Variants in SSH1 observed in about 807,000 individuals in gnomAD.
SSH1 encodes slingshot protein phosphatase 1, also known as protein phosphatase Slingshot homolog 1.
A neutral mutation model predicts 79.7 loss-of-function variants in SSH1; 43 were observed. The ratio of observed to expected loss-of-function variants is 0.54; its 90% CI spans 0.42 to 0.70. SSH1 has a LOEUF of 0.70. Among genes scored for constraint, SSH1 ranks in the 30% least tolerant of loss-of-function variants. The pLI is 0.00. For missense variants in SSH1, 1,206 were observed against 1,358.8 expected (o/e 0.89, Z 1.77); for synonymous variants, 599 against 538.3 (o/e 1.11, Z -1.56).
At chr12:108,841,423 T>C (rs926213177) in intron 2 of SSH1, among the ~76,000 whole-genome samples, 2 of 152,220 alleles carry the variant, frequency 1.3e-5, no homozygotes, top group Admixed American at 6.5e-5. Flanking sequence ...ACGTTAACCT[T>C]AATGAAAAGT....
intron 5 of SSH1, among the ~76,000 whole-genome samples, chr12:108,814,254 C>T (rs956757354): frequency 6.6e-5 from 10 of 151,930 alleles, no homozygotes; most frequent in African/African-American, 1.9e-4. Flanking sequence ...TGAGAGTGCG[C>T]AAGCCTGCTG....
At position 108,788,185 on chromosome 12, in the gene SSH1, G is replaced by A. The variant is rs989690864; in HGVS notation, c.2953C>T (p.Leu985Phe). The A allele has an allele frequency of 6.2e-6, 10 of 1,613,970 alleles. No homozygotes were observed. The highest frequency in any genetic ancestry group is 7.6e-6 in the Non-Finnish European group (9 of 1,180,044). The change falls in exon 15 of 15, where the codon CTC (leucine) becomes TTC (phenylalanine). Residue 985 changes from leucine (L) to phenylalanine (F), a missense_variant. Leu to Phe is a conservative substitution (Grantham distance 22). Around this residue, in one of 5 missense-constraint regions of SSH1, gnomAD observed 709 missense variants for 730.6 expected, o/e 0.97. Transcript: ENST00000326495. ...GACAGGTCTTCCGTTGAGAAGGTGA[G>A]ACTCCCCAGCTTGGCAAGAGAGTGT... ...RSHSLAKLGS[L>F]TFSTEDLSSE...
chr12:108,800,632 A>T (rs3213776), intron 12 of SSH1, 148 bp downstream of exon 12: 1 of 903,256 alleles, frequency 1.1e-6, no homozygotes, highest in Non-Finnish European at 1.7e-6. Flanking sequence ...CATCAAGTCC[A>T]CTCCCACCAG....
chr12:108,798,502 T>C (rs998305412), intron 13 of SSH1, among the ~76,000 whole-genome samples: 7 of 152,186 alleles, frequency 4.6e-5, no homozygotes, highest in Admixed American at 6.5e-5. Context: ...CAGGCCCAGC[T>C]AAGGTGGGCA....
chr12:108,789,250 AG>A lies in SSH1; in HGVS notation c.1894-7del. 6.3e-7 allele frequency: 1 copy of A among 1,588,432 alleles called. No individual in the cohort carries two copies. The highest frequency in any genetic ancestry group is 1.1e-5 in the South Asian group (1 of 87,626). The stretch of plus-strand genomic sequence containing the variant: ...ATCCCAAATATAGCATCATCCTGCA[AG>A]GAAGGGGACAAGAGCATGGTGAGAC... On this transcript the variant is annotated splice_polypyrimidine_tract_variant and splice_region_variant and intron_variant, in intron 14 of 14. Coordinates refer to ENST00000326495, the MANE Select transcript of SSH1 (RefSeq NM_018984.4).
intron 3 of SSH1, among the ~76,000 whole-genome samples, chr12:108,820,806 G>C (rs1321733304): frequency 6.6e-6 from 1 of 152,194 alleles, no homozygotes; most frequent in African/African-American, 2.4e-5. Context: ...AGGAACTAAC[G>C]TAAGTCTAGT....
rs1223173360 is a variant in SSH1, at chr12:108,813,945, C to T, written c.402-2617G>A. Among the ~76,000 whole-genome samples the T allele has an allele frequency of 6.6e-5, 10 of 152,158 alleles. No individual in the cohort carries two copies. In the South Asian group the frequency reaches 1.7e-3, roughly 25 times the overall value. ...GCAGATATAAGACTCTGAGTGAGGC[C>T]GGGTACAGTGGCTCACGCCTGTAAT... is the stretch of plus-strand genomic sequence containing the variant. On this transcript the variant is annotated intron_variant, in intron 5 of 14. Coordinates refer to ENST00000326495, the MANE Select transcript of SSH1 (RefSeq NM_018984.4).
chr12:108,847,980 C>T (rs778135465), intron 2 of SSH1, among the ~76,000 whole-genome samples: 3 of 152,124 alleles, frequency 2.0e-5, no homozygotes, highest in Non-Finnish European at 4.4e-5. Context: ...AGGACTACAG[C>T]CAGGTGAAAA....
chr12:108,845,445 T>C (rs1291690917), intron 2 of SSH1, among the ~76,000 whole-genome samples: 2 of 152,098 alleles, frequency 1.3e-5, no homozygotes, highest in Non-Finnish European at 2.9e-5. Flanking sequence ...CCCAGCACTT[T>C]GGGAGGCCAA....
rs768993671 is a variant in SSH1 at position 108,799,109 on chromosome 12, A to G, written c.1240T>C (p.Trp414Arg). The change falls in exon 13 of 15, where the codon TGG (tryptophan) becomes CGG (arginine). Residue 414 changes from tryptophan to arginine, a missense_variant. Transcript: ENST00000326495. ...TAGTTATATGCTTTTTCCAGAGGCC[A>G]GCCGAATTCCTTCATTGCATAGGCT... Reference protein sequence around the residue: ...VIAYAMKEFGWPLEKAYNYVK... With the variant: ...VIAYAMKEFGRPLEKAYNYVK... 1 of 1,614,256 alleles carries G rather than the reference A, an allele frequency of 6.2e-7. No individual in the cohort carries two copies.
rs138160439 is a variant in SSH1 at position 108,779,119 on chromosome 12, C to G, written c.*8869G>C. 2.0e-5 allele frequency: 3 copies of G among 151,994 alleles called. No homozygotes were observed. Among genetic ancestry groups the G allele is most frequent in the Non-Finnish European group, 2.9e-5 (2 of 67,996 alleles). 9.4% of individuals were successfully genotyped at this position (151,994 alleles called of 1,614,324 possible). ...CGTGCCCAAATTTGTCTTTTAGAGTCGGATGCTGGAGCATCCTCTCCTAGG... is the reference window on the plus strand; with the variant it reads ...CGTGCCCAAATTTGTCTTTTAGAGTGGGATGCTGGAGCATCCTCTCCTAGG... On this transcript the variant is annotated 3_prime_UTR_variant, in exon 15 of 15. Coordinates refer to ENST00000326495, the MANE Select transcript of SSH1 (RefSeq NM_018984.4).
At chr12:108,798,864 A>G (rs1174544452) in intron 13 of SSH1, 136 bp downstream of exon 13, 10 of 950,322 alleles carry the variant, frequency 1.1e-5, no homozygotes, top group Non-Finnish European at 1.5e-5. Context: ...TCCCCCTGAG[A>G]GGCAGGATTT....
Position 108,836,953 on chromosome 12 carries a change from G to A in SSH1, c.111-13592C>T, listed in dbSNP as rs189214156. On this transcript the variant is annotated intron_variant, in intron 2 of 14. Coordinates refer to ENST00000326495, the MANE Select transcript of SSH1 (RefSeq NM_018984.4). ...GCACAAACATGTCCAGGTCATGGTC[G>A]ACCGCAGTGGCTCATGCCTGTAATC... 4.2e-5 allele frequency: 22 copies of A among 527,170 alleles called. No homozygotes were observed. The East Asian group carries it at 6.6e-4, about 16-fold the overall frequency. The allele number at this position is 527,170 out of a possible 1,614,324, so 32.7% of individuals were successfully genotyped here.
rs1048690820 is a variant in SSH1, at chr12:108,821,871, G to A, written c.214+1387C>T. On this transcript the variant is annotated intron_variant, in intron 3 of 14. Transcript: ENST00000326495. ...CTAAAATGAAGCTGAATGACTTGAG[G>A]TTAAACAAACAAAATGTTCACAAGA... Among the ~76,000 whole-genome samples, 10 of 152,252 alleles carry A rather than the reference G, an allele frequency of 6.6e-5. No homozygotes were observed. The East Asian group carries it at 1.2e-3, about 18-fold the overall frequency.
At position 108,788,487 on chromosome 12, in the gene SSH1, T is replaced by C; in HGVS notation, c.2651A>G (p.Glu884Gly). The change falls in exon 15 of 15, where the codon GAG becomes GGG. Residue 884 changes from glutamate to glycine, a missense_variant. Coordinates refer to ENST00000326495, the MANE Select transcript of SSH1 (RefSeq NM_018984.4). The part of the protein sequence containing the change: ...PSQAGSDEKS[E>G]AAPASLEGGS... ...TCCTTCCAATGAAGCGGGGGCGGCC[T>C]CTGACTTCTCATCACTCCCGGCCTG... 1 of 1,555,788 alleles carries C rather than the reference T, an allele frequency of 6.4e-7. No homozygotes were observed. Among genetic ancestry groups the C allele is most frequent in the Non-Finnish European group, 8.7e-7 (1 of 1,153,578 alleles).
At chr12:108,854,421 C>T (rs2039103735) in intron 1 of SSH1, among the ~76,000 whole-genome samples, 1 of 152,196 alleles carries the variant, frequency 6.6e-6, no homozygotes, top group South Asian at 2.1e-4. Flanking sequence ...TTCTTGTGCT[C>T]TGCCTGTTCA....
chr12:108,795,088 C>T (rs1269975022), intron 13 of SSH1, among the ~76,000 whole-genome samples: 1 of 152,018 alleles, frequency 6.6e-6, no homozygotes, highest in Non-Finnish European at 1.5e-5. Context: ...AATTTGAAGC[C>T]CTCAAAATTA....
intron 4 of SSH1, chr12:108,817,466 TCA>T (rs1491088913): frequency 1.7e-5 from 6 of 354,354 alleles, no homozygotes; most frequent in South Asian, 8.6e-5. Flanking sequence ...TCCCAGCTAC[TCA>T]GGGGACTGAG....
At chr12:108,811,204 G>A in intron 6 of SSH1, 56 bp downstream of exon 6, 8 of 1,517,580 alleles carry the variant, frequency 5.3e-6, no homozygotes, top group East Asian at 2.3e-5. Context: ...GAACCAGCTC[G>A]TGTTTTCAAT....
Sources: allele counts gnomAD v4.1 joint callset (sites outside exome capture counted in the v4.1 genomes callset), GRCh38; gene constraint gnomAD v4.1.1; regional missense constraint gnomAD v4.1.1; transcripts MANE v1.5; gene names NCBI Gene and HGNC (gene_info 2026-07-23, HGNC 2026-07-21).